Variants in NPIPB8 observed in about 807,000 individuals in gnomAD.
NPIPB8 encodes nuclear pore complex-interacting protein family member B8.
Under a neutral mutation model 5.3 loss-of-function variants are expected in NPIPB8, and 3 were observed. That is an observed-to-expected ratio of 0.57 (90% CI 0.26 to 1.47). The LOEUF (loss-of-function observed/expected upper bound fraction) is 1.47, where lower values mean the gene tolerates loss of function less well. Among genes scored for constraint, NPIPB8 ranks in the 40% most tolerant of loss-of-function variants. The pLI, the probability that NPIPB8 is intolerant of heterozygous loss-of-function variation, is 0.13. For missense variants in NPIPB8, 50 were observed against 50.2 expected, an observed-to-expected ratio of 1.00 and a Z score of 0.01; for synonymous variants, 18 against 23.0, an observed-to-expected ratio of 0.78 and a Z score of 0.62.
Position 28,639,442 on chromosome 16 carries a change from C to CATAT in NPIPB8, c.120+963_120+964insTATA, listed in dbSNP as rs1215767667. ...ACACACACACAGACACACACACACA[C>CATAT]ACATATATATATATTTTTTTTTTTT... On this transcript the variant is annotated intron_variant, in intron 2 of 7. Coordinates refer to ENST00000683297, the MANE Select transcript of NPIPB8 (RefSeq NM_001310136.2). Among the ~76,000 whole-genome samples the CATAT allele has an allele frequency of 6.1e-4, 66 of 107,598 alleles. 1 individual carries two copies. Among genetic ancestry groups the CATAT allele is most frequent in the South Asian group, 1.2e-3 (4 of 3,444 alleles). 70.6% of individuals were successfully genotyped at this position (107,598 alleles called of 152,430 possible). A position where few individuals can be genotyped will look rare whatever the true frequency, so the allele number is the denominator to read the frequency against.
rs2047834445 is a variant in NPIPB8, at chr16:28,638,599, C to A, written c.120+119C>A. On this transcript the variant is annotated intron_variant, in intron 2 of 7. Coordinates refer to ENST00000683297, the MANE Select transcript of NPIPB8 (RefSeq NM_001310136.2). ...GCTTACGCAGTCACAGTACTGGCTT[C>A]TTCCTCTTTTTCTTTCCATACAAGT... 1.4e-6 allele frequency: 2 copies of A among 1,390,630 alleles called. 1 individual carries two copies. Among genetic ancestry groups the A allele is most frequent in the African/African-American group, 3.0e-5 (2 of 66,472 alleles). 86.1% of individuals were successfully genotyped at this position (1,390,630 alleles called of 1,614,324 possible).
At chr16:28,644,533 C>A in intron 2 of NPIPB8, 1 of 1,404,086 alleles carries the variant, frequency 7.1e-7, no homozygotes, top group Non-Finnish European at 9.4e-7. Flanking sequence ...CCCCCCTGCC[C>A]TAAGCCACCT....
intron 3 of NPIPB8, among the ~76,000 whole-genome samples, chr16:28,651,230 G>A (rs1316515438): frequency 9.3e-5 from 3 of 32,308 alleles, no homozygotes; most frequent in African/African-American, 2.8e-4. Flanking sequence ...TGATTCACCC[G>A]CCTCAGCCTC....
intron 2 of NPIPB8, among the ~76,000 whole-genome samples, chr16:28,641,143 T>C (rs1204401754): frequency 6.6e-6 from 1 of 151,882 alleles, no homozygotes; most frequent in Non-Finnish European, 1.5e-5. Flanking sequence ...TCCTCTTTGT[T>C]CCAATGGCCC....
At chr16:28,640,771 C>T (rs1340675254) in intron 2 of NPIPB8, among the ~76,000 whole-genome samples, 1 of 152,096 alleles carries the variant, frequency 6.6e-6, no homozygotes, top group Admixed American at 6.5e-5. Context: ...TCAGAAAAAG[C>T]AGTTTGGTCG....
At chr16:28,638,595 G>T in intron 2 of NPIPB8, 115 bp downstream of exon 2, 4 of 1,392,510 alleles carry the variant, frequency 2.9e-6, no homozygotes, top group Non-Finnish European at 3.8e-6. Context: ...CACAGTACTG[G>T]CTTCTTCCTC....
chr16:28,642,028 AC>A (rs2047906157), intron 2 of NPIPB8, among the ~76,000 whole-genome samples: 1 of 150,340 alleles, frequency 6.7e-6, no homozygotes, highest in African/African-American at 2.5e-5. Flanking sequence ...TCTGCCATTC[AC>A]TTTTGCTCTA....
chr16:28,639,737 G>A (rs1178052294), intron 2 of NPIPB8, among the ~76,000 whole-genome samples: 2 of 149,390 alleles, frequency 1.3e-5, no homozygotes, highest in Admixed American at 6.7e-5. Flanking sequence ...ATAGGTGTGA[G>A]CCGCTACACC....
intron 2 of NPIPB8, among the ~76,000 whole-genome samples, chr16:28,647,623 G>C (rs1370552876): frequency 1.1e-5 from 1 of 87,464 alleles, no homozygotes; most frequent in South Asian, 2.8e-4. Flanking sequence ...AGTCAGGCAT[G>C]GTGGCAGAGA....
chr16:28,652,892 A>C (rs1596688769), intron 5 of NPIPB8, among the ~76,000 whole-genome samples: 3 of 124,524 alleles, frequency 2.4e-5, no homozygotes, highest in Admixed American at 8.2e-5. Flanking sequence ...GTGAGCCACC[A>C]CACCCAGGCT....
At chr16:28,644,554 C>G (rs1475749134) in intron 2 of NPIPB8, 1 of 1,461,536 alleles carries the variant, frequency 6.8e-7, no homozygotes, top group South Asian at 1.2e-5. Context: ...CCACCTCTGT[C>G]CTGGACACCT....
intron 2 of NPIPB8, 101 bp downstream of exon 2, chr16:28,638,581 C>T: frequency 2.8e-6 from 4 of 1,410,990 alleles, no homozygotes; most frequent in Non-Finnish European, 3.8e-6. Context: ...GAAGCTTACG[C>T]AGTCACAGTA....
At position 28,642,110 on chromosome 16, in the gene NPIPB8, T is replaced by C. The variant is rs540235520; in HGVS notation, c.120+3630T>C. Among the ~76,000 whole-genome samples the C allele has an allele frequency of 5.3e-3, 801 of 151,484 alleles. 6 individuals are homozygous for C. The highest frequency in any genetic ancestry group is 8.3e-3 in the Non-Finnish European group (565 of 67,884). ...ACACAACCGAAATCTAGGGCTTCTTTTTTTTTTTGAGACAGAGTCTCATTC... is the reference window on the plus strand; with the variant it reads ...ACACAACCGAAATCTAGGGCTTCTTCTTTTTTTTGAGACAGAGTCTCATTC... On this transcript the variant is annotated intron_variant, in intron 2 of 7. Transcript: ENST00000683297.
chr16:28,639,872 A>G (rs1205657542), intron 2 of NPIPB8, among the ~76,000 whole-genome samples: 1 of 150,442 alleles, frequency 6.6e-6, no homozygotes, highest in Non-Finnish European at 1.5e-5. Context: ...AAATAAGTTT[A>G]CTTTTATTTT....
At chr16:28,640,174 G>C (rs370633311) in intron 2 of NPIPB8, among the ~76,000 whole-genome samples, 643 of 151,078 alleles carry the variant, frequency 4.3e-3, no homozygotes, top group African/African-American at 0.013. Flanking sequence ...TCTGACGGCA[G>C]GCTAGTCTGC....
At chr16:28,652,735 G>T (rs1268765756) in intron 5 of NPIPB8, among the ~76,000 whole-genome samples, 1 of 131,804 alleles carries the variant, frequency 7.6e-6, no homozygotes, top group Non-Finnish European at 1.6e-5. Flanking sequence ...CCAAGTAGCT[G>T]GGATTACAGG....
Position 28,652,643 on chromosome 16 carries a change from T to G in NPIPB8, c.599+279T>G, listed in dbSNP as rs1431576569. 3.3e-5 allele frequency among the ~76,000 whole-genome samples: 4 copies of G among 122,192 alleles called. No individual in the cohort carries two copies. The East Asian group carries it at 6.2e-4, about 19-fold the overall frequency. 80.2% of individuals were successfully genotyped at this position (122,192 alleles called of 152,430 possible). On this transcript the variant is annotated intron_variant, in intron 5 of 7. Coordinates refer to ENST00000683297, the MANE Select transcript of NPIPB8 (RefSeq NM_001310136.2). ...TTTTTTTCCTGAGATGGAGCTTTGC[T>G]GTTGTTGCCCAGGCTGTAGTGCAAT...
In NPIPB8 at chr16:28,644,571, G is replaced by A. The variant is rs752780097; in HGVS notation, c.121-3564G>A. The stretch of plus-strand genomic sequence containing the variant: ...ACCTCTGTCCTGGACACCTCAGGGC[G>A]CCCTGAAAGGACCAGGACATGCGGC... On this transcript the variant is annotated intron_variant, in intron 2 of 7. Coordinates refer to ENST00000683297, the MANE Select transcript of NPIPB8 (RefSeq NM_001310136.2). 1.3e-4 allele frequency: 188 copies of A among 1,485,956 alleles called. 4 individuals carry two copies. In the East Asian group the frequency reaches 1.4e-3, roughly 11 times the overall value. 92.0% of individuals were successfully genotyped at this position (1,485,956 alleles called of 1,614,324 possible).
intron 2 of NPIPB8, among the ~76,000 whole-genome samples, chr16:28,642,201 G>T (rs972749481): frequency 6.6e-6 from 1 of 151,440 alleles, no homozygotes; most frequent in African/African-American, 2.4e-5. Flanking sequence ...CGCCTCCCGG[G>T]CCCAAGGGAT....
Sources: gnomAD v4.1 joint callset for allele counts (sites outside exome capture counted in the v4.1 genomes callset) on GRCh38, gnomAD v4.1.1 for gene constraint, MANE v1.5 for transcripts, NCBI Gene and HGNC (gene_info 2026-07-23, HGNC 2026-07-21) for gene names.